The following LYPD6B variants were observed in gnomAD, a reference collection of about 807,000 sequenced individuals.
LYPD6B encodes LY6/PLAUR domain containing 6B.
In LYPD6B, 17 loss-of-function variants were observed where a neutral mutation model predicts 22.8. That is an observed-to-expected ratio of 0.75 (90% CI 0.51 to 1.12). LYPD6B has a LOEUF of 1.12. Among genes scored for constraint, LYPD6B ranks in the 50% most tolerant of loss-of-function variants. The pLI is 0.00. For synonymous variants in LYPD6B, 106 were observed against 91.6 expected (o/e 1.16, Z -0.90); for missense variants, 221 against 258.3 (o/e 0.86, Z 0.99).
At chr2:149,050,864 T>C (rs1338211490) in intron 1 of LYPD6B, among the ~76,000 whole-genome samples, 2 of 152,224 alleles carry the variant, frequency 1.3e-5, no homozygotes, top group Non-Finnish European at 1.5e-5. Context: ...TGTCTTAATA[T>C]GATTTCAACT....
chr2:149,159,548 AG>A (rs1344129147), intron 2 of LYPD6B, among the ~76,000 whole-genome samples: 2 of 151,760 alleles, frequency 1.3e-5, no homozygotes, highest in Non-Finnish European at 2.9e-5. Flanking sequence ...AGTACTAATT[AG>A]GGTTCTTCAG....
intron 1 of LYPD6B, among the ~76,000 whole-genome samples, chr2:149,061,356 CTTAA>C (rs1684071178): frequency 6.6e-6 from 1 of 152,084 alleles, no homozygotes; most frequent in African/African-American, 2.4e-5. Context: ...TGCTATAAGA[CTTAA>C]TGTTTAGATT....
At chr2:149,063,842 T>A (rs1684204587) in intron 1 of LYPD6B, among the ~76,000 whole-genome samples, 1 of 152,080 alleles carries the variant, frequency 6.6e-6, no homozygotes, top group Admixed American at 6.5e-5. Context: ...AAGAAGCAAC[T>A]AGCAAGGAAA....
chr2:149,153,948 T>C (rs1322769046), intron 2 of LYPD6B: 2 of 246,082 alleles, frequency 8.1e-6, no homozygotes, highest in South Asian at 1.5e-4. Flanking sequence ...TTTATTGGCA[T>C]TGGGGAGCAA....
intron 3 of LYPD6B, chr2:149,187,554 A>G: frequency 2.1e-6 from 3 of 1,445,704 alleles, no homozygotes; most frequent in African/African-American, 1.5e-5. Flanking sequence ...GGCAACGTCA[A>G]TGAACAACAT....
intron 3 of LYPD6B, among the ~76,000 whole-genome samples, chr2:149,203,779 A>G (rs1319530274): frequency 6.6e-6 from 1 of 152,214 alleles, no homozygotes; most frequent in Non-Finnish European, 1.5e-5. Flanking sequence ...GCTCAGTTCT[A>G]TCAGTGGCAA....
intron 1 of LYPD6B, among the ~76,000 whole-genome samples, chr2:149,096,018 TGTAGAGAGACAGA>T (rs1325612719): frequency 6.7e-6 from 1 of 148,692 alleles, no homozygotes; most frequent in African/African-American, 2.5e-5. Flanking sequence ...GAAAGACCCA[TGTAGAGAGACAGA>T]GGGAGGCACG....
chr2:149,055,932 T>C (rs564434459), intron 1 of LYPD6B, among the ~76,000 whole-genome samples: 50 of 152,344 alleles, frequency 3.3e-4, no homozygotes, highest in Middle Eastern at 3.4e-3. Flanking sequence ...CCTTGTCTTG[T>C]TCTGTCTGAC....
At chr2:149,160,653 C>T (rs1689994530) in intron 2 of LYPD6B, 111 bp from the exon 3 acceptor site, 2 of 750,040 alleles carry the variant, frequency 2.7e-6, no homozygotes, top group Non-Finnish European at 4.6e-6. Flanking sequence ...TATTCTGAAA[C>T]ATCTCCAAAC....
intron 1 of LYPD6B, among the ~76,000 whole-genome samples, chr2:149,070,551 A>G (rs566566621): frequency 6.6e-6 from 1 of 152,296 alleles, no homozygotes; most frequent in South Asian, 2.1e-4. Context: ...CTGGATCATC[A>G]TAAGTGCTCA....
At chr2:149,128,914 A>G (rs1427075886) in intron 1 of LYPD6B, among the ~76,000 whole-genome samples, 1 of 152,222 alleles carries the variant, frequency 6.6e-6, no homozygotes. Context: ...TAACCATAAG[A>G]AAATCTGATG....
intron 1 of LYPD6B, among the ~76,000 whole-genome samples, chr2:149,097,540 A>T (rs1685961353): frequency 6.6e-6 from 1 of 152,182 alleles, no homozygotes; most frequent in South Asian, 2.1e-4. Context: ...ACTCAGGGAG[A>T]GTCACCTCCG....
chr2:149,075,853 C>G lies in LYPD6B; in HGVS notation c.-67+37052C>G, dbSNP rs146889419. Among the ~76,000 whole-genome samples the G allele has an allele frequency of 1.3e-3, 191 of 152,224 alleles. 2 individuals carry two copies. In the East Asian group the frequency reaches 0.015, roughly 12 times the overall value. ...TATGTAATCCATATAATTTTAAAAA[C>G]AATGTTAGCAGAATACTTTTCTGCT... On this transcript the variant is annotated intron_variant, in intron 1 of 6. Coordinates refer to ENST00000409642, the MANE Select transcript of LYPD6B (RefSeq NM_177964.5).
At chr2:149,043,178 T>C (rs1247343697) in intron 1 of LYPD6B, among the ~76,000 whole-genome samples, 2 of 152,146 alleles carry the variant, frequency 1.3e-5, no homozygotes, top group African/African-American at 2.4e-5. Flanking sequence ...GAAAATAAAT[T>C]TTGATGCCTC....
At chr2:149,187,249 G>A (rs1024352859) in intron 3 of LYPD6B, among the ~76,000 whole-genome samples, 1 of 152,182 alleles carries the variant, frequency 6.6e-6, no homozygotes, top group Admixed American at 6.5e-5. Flanking sequence ...GATCACAAAA[G>A]GAAGCAGCTG....
intron 1 of LYPD6B, among the ~76,000 whole-genome samples, chr2:149,072,207 C>T (rs1003774350): frequency 6.6e-6 from 1 of 152,180 alleles, no homozygotes; most frequent in African/African-American, 2.4e-5. Flanking sequence ...TTTACCATTT[C>T]TTGACTTTCA....
chr2:149,210,306 A>G (rs117266425), intron 5 of LYPD6B, among the ~76,000 whole-genome samples: 1 of 152,240 alleles, frequency 6.6e-6, no homozygotes, highest in East Asian at 1.9e-4. Context: ...CACCAAGAAA[A>G]CATCAGAGAT....
At chr2:149,110,350 C>T (rs1434276188) in intron 1 of LYPD6B, among the ~76,000 whole-genome samples, 1 of 152,052 alleles carries the variant, frequency 6.6e-6, no homozygotes, top group East Asian at 1.9e-4. Flanking sequence ...CATTTTTCTG[C>T]TTCTTATCAT....
Position 149,168,187 on chromosome 2 carries a change from G to T in LYPD6B, c.77+7352G>T, listed in dbSNP as rs112225493. Among the ~76,000 whole-genome samples the T allele has an allele frequency of 5.3e-3, 771 of 146,320 alleles. 6 individuals are homozygous for T. The highest frequency in any genetic ancestry group is 0.019 in the African/African-American group (739 of 39,200). On this transcript the variant is annotated intron_variant, in intron 3 of 6. Coordinates refer to ENST00000409642, the MANE Select transcript of LYPD6B (RefSeq NM_177964.5). ...AGATTGCACCACTGCACTGTAGCCT[G>T]GGCAACAGAGTGAGGCTCTGTCTCA... is the stretch of plus-strand genomic sequence containing the variant.
Sources: gnomAD v4.1 joint callset for allele counts (sites outside exome capture counted in the v4.1 genomes callset) on GRCh38, gnomAD v4.1.1 for gene constraint, MANE v1.5 for transcripts, NCBI Gene and HGNC (gene_info 2026-07-23, HGNC 2026-07-21) for gene names.